KLHL6: variants seen among roughly 807,000 people sequenced by gnomAD.
KLHL6 encodes kelch-like protein 6.
In KLHL6, 41 loss-of-function variants were observed where a neutral mutation model predicts 58.6. The ratio of observed to expected loss-of-function variants is 0.70; its 90% CI spans 0.55 to 0.91. The LOEUF is 0.91. Among genes scored for constraint, KLHL6 ranks in the 40% least tolerant of loss-of-function variants. The pLI, the probability that KLHL6 is intolerant of heterozygous loss-of-function variation, is 0.00. For synonymous variants in KLHL6, 338 were observed against 322.7 expected (o/e 1.05, Z -0.51); for missense variants, 714 against 805.6 (o/e 0.89, Z 1.38).
rs1717601932 is a variant in KLHL6, at chr3:183,492,653, T to G, written c.1405A>C (p.Lys469Gln). The G allele has an allele frequency of 1.9e-6, 3 of 1,613,966 alleles. No individual in the cohort carries two copies. Among genetic ancestry groups the G allele is most frequent in the Non-Finnish European group, 2.5e-6 (3 of 1,180,048 alleles). The change falls in exon 6 of 7, where the codon AAG becomes CAG. Residue 469 changes from lysine (K) to glutamine (Q), a missense_variant. Transcript: ENST00000341319. The surrounding 1 kb of genome is among the most constrained non-coding windows in gnomAD (Gnocchi z 5.9). ...GGCCCTCCCCCGATCACATACAGCT[T>G]CTTCTTATGGCTGGTGGCTGCAAAG... ...SSFAATSHKK[K>Q]LYVIGGGPNG...
chr3:183,547,828 C>T (rs960638974), intron 1 of KLHL6, among the ~76,000 whole-genome samples: 2 of 152,098 alleles, frequency 1.3e-5, no homozygotes, highest in African/African-American at 4.8e-5. Context: ...AGTGGTTTCC[C>T]CATGATGTCT....
intron 1 of KLHL6, among the ~76,000 whole-genome samples, chr3:183,548,425 TGA>T (rs1354743018): frequency 2.0e-5 from 3 of 152,166 alleles, no homozygotes; most frequent in Non-Finnish European, 4.4e-5. Context: ...AGGCTGAGGC[TGA>T]GTCATTAGCA....
At chr3:183,535,758 G>T (rs774890374) in intron 1 of KLHL6, among the ~76,000 whole-genome samples, 3 of 152,020 alleles carry the variant, frequency 2.0e-5, no homozygotes, top group Admixed American at 6.5e-5. Context: ...CTCTTAATTG[G>T]GCTGTCACTG....
At chr3:183,536,876 T>C (rs371837012) in intron 1 of KLHL6, among the ~76,000 whole-genome samples, 1 of 152,148 alleles carries the variant, frequency 6.6e-6, no homozygotes, top group Non-Finnish European at 1.5e-5. Flanking sequence ...AGAGCAAGCA[T>C]AGGGCCAGCG....
At chr3:183,539,798 G>A (rs1036395786) in intron 1 of KLHL6, among the ~76,000 whole-genome samples, 4 of 152,070 alleles carry the variant, frequency 2.6e-5, no homozygotes, top group Non-Finnish European at 1.5e-5. Context: ...GGCCCCTGTG[G>A]AGAAGAAAAC....
chr3:183,549,528 C>T (rs1429589314), intron 1 of KLHL6, among the ~76,000 whole-genome samples: 1 of 152,142 alleles, frequency 6.6e-6, no homozygotes, highest in African/African-American at 2.4e-5. Flanking sequence ...CAGGTCGGGA[C>T]ACCTGAGTCT....
intron 2 of KLHL6, among the ~76,000 whole-genome samples, chr3:183,515,644 C>T (rs534260130): frequency 6.6e-6 from 1 of 152,338 alleles, no homozygotes; most frequent in African/African-American, 2.4e-5. Flanking sequence ...TTGACGGCTT[C>T]TCCTATTCCC....
chr3:183,508,594 A>G, intron 2 of KLHL6, 86 bp from the exon 3 acceptor site: 1 of 1,170,596 alleles, frequency 8.5e-7, no homozygotes, highest in Non-Finnish European at 1.2e-6. Context: ...TATTAGCCAA[A>G]AATTGGAAAC....
At chr3:183,522,337 C>T (rs1297019983) in intron 2 of KLHL6, 2 of 152,154 alleles carry the variant, frequency 1.3e-5, no homozygotes, top group Non-Finnish European at 2.9e-5. Flanking sequence ...AAAAAAAAGA[C>T]TCTGGTGAAT....
At position 183,508,442 on chromosome 3, in the gene KLHL6, C is replaced by T; in HGVS notation, c.526G>A (p.Gly176Arg). 1 of 1,614,176 alleles carries T rather than the reference C, an allele frequency of 6.2e-7. No individual in the cohort carries two copies. Among genetic ancestry groups the T allele is most frequent in the Non-Finnish European group, 8.5e-7 (1 of 1,180,034 alleles). Residue 176 changes from glycine to arginine, a missense_variant, in exon 3 of 7, where the codon GGA (glycine) becomes AGA (arginine). This residue lies in a region of KLHL6 where 510 missense variants were observed against 629.7 expected (regional missense o/e 0.81). Transcript: ENST00000341319. ...TEALNPENCV[G>R]ILRLADTHSL... The stretch of plus-strand genomic sequence containing the variant: ...TGTGTGTCAGCCAGCCTCAGTATTC[C>T]AACGCAGTTTTCTGGGTTCAAGGCT...
intron 2 of KLHL6, among the ~76,000 whole-genome samples, chr3:183,525,333 G>GA (rs1292635599): frequency 2.0e-5 from 3 of 148,506 alleles, no homozygotes; most frequent in African/African-American, 7.4e-5. Flanking sequence ...ACCCGGGGGG[G>GA]AAAATTTAGG....
intron 1 of KLHL6, among the ~76,000 whole-genome samples, chr3:183,529,366 A>C (rs1423208321): frequency 6.6e-6 from 1 of 152,084 alleles, no homozygotes; most frequent in African/African-American, 2.4e-5. Flanking sequence ...TGCCAAGCCC[A>C]TAAGAATTTA....
intron 1 of KLHL6, among the ~76,000 whole-genome samples, chr3:183,547,977 C>A (rs1441931848): frequency 6.6e-6 from 1 of 152,142 alleles, no homozygotes; most frequent in African/African-American, 2.4e-5. Flanking sequence ...AAAATCAGAG[C>A]CTCCTTGTGC....
Position 183,508,324 on chromosome 3 carries a change from A to T in KLHL6, c.644T>A (p.Val215Glu), listed in dbSNP as rs986962494. The stretch of plus-strand genomic sequence containing the variant: ...CTTCAAGATGTGGTGCAGAGTGTCC[A>T]CGGGCAGGTCAAGAAACTCCTCAGA... ...LNSEEFLDLP[V>E]DTLHHILKSD... The change falls in exon 3 of 7, where the codon GTG (valine) becomes GAG (glutamate). Residue 215 changes from valine to glutamate, a missense_variant. Physicochemically the swap from Val to Glu is moderately radical, Grantham distance 121. This residue lies in a region of KLHL6 where 510 missense variants were observed against 629.7 expected (regional missense o/e 0.81). Coordinates refer to ENST00000341319, the MANE Select transcript of KLHL6 (RefSeq NM_130446.4). 1 of 1,614,240 alleles carries T rather than the reference A, an allele frequency of 6.2e-7. No individual in the cohort carries two copies. The highest frequency in any genetic ancestry group is 1.3e-5 in the African/African-American group (1 of 75,062).
chr3:183,530,901 G>A (rs1293322333), intron 1 of KLHL6, among the ~76,000 whole-genome samples: 2 of 149,174 alleles, frequency 1.3e-5, no homozygotes, highest in Admixed American at 6.8e-5. Context: ...GTGCCATCTC[G>A]GCTCACTGCA....
chr3:183,555,052 C>G (rs183148263), intron 1 of KLHL6, among the ~76,000 whole-genome samples: 1 of 152,180 alleles, frequency 6.6e-6, no homozygotes, highest in Non-Finnish European at 1.5e-5. Context: ...CAAATCCCAG[C>G]TACTCGGGAG....
chr3:183,489,239 C>T lies in KLHL6; in HGVS notation c.*2688G>A, dbSNP rs918664697. The T allele has an allele frequency of 6.6e-6, 1 of 152,174 alleles. No individual in the cohort carries two copies. Among genetic ancestry groups the T allele is most frequent in the Admixed American group, 6.5e-5 (1 of 15,282 alleles). 9.4% of individuals were successfully genotyped at this position (152,174 alleles called of 1,614,324 possible). A position where few individuals can be genotyped will look rare whatever the true frequency, so the allele number is the denominator to read the frequency against. On this transcript the variant is annotated 3_prime_UTR_variant, in exon 7 of 7. Coordinates refer to ENST00000341319, the MANE Select transcript of KLHL6 (RefSeq NM_130446.4). ...TCATTGGATTTCCTCTCTGGAAGTT[C>T]CTCCCTGCAATAGTCTTTGGAGTAA...
intron 2 of KLHL6, among the ~76,000 whole-genome samples, chr3:183,525,390 T>G (rs568850862): frequency 6.6e-6 from 1 of 152,142 alleles, no homozygotes; most frequent in Non-Finnish European, 1.5e-5. Flanking sequence ...GCCCCATTTA[T>G]CCAAGGCACA....
chr3:183,499,699 G>C lies in KLHL6; in HGVS notation c.1038C>G (p.Ser346Arg). Residue 346 changes from serine to arginine, a missense_variant, in exon 4 of 7, where the codon AGC (serine) becomes AGG (arginine). Coordinates refer to ENST00000341319, the MANE Select transcript of KLHL6 (RefSeq NM_130446.4). This position sits in a 1 kb window ranked among gnomAD's most constrained non-coding sequence, Gnocchi z 4.6. ...EVTCLDPLRR[S>R]RLEVAKLPLT... is the part of the protein sequence containing the mutation. ...GCGGGAGCTTGGCCACCTCCAGGCG[G>C]CTGCGCCTCAGGGGGTCCAGGCAGG... The C allele has an allele frequency of 6.2e-7, 1 of 1,610,756 alleles. No individual in the cohort carries two copies. The highest frequency in any genetic ancestry group is 8.5e-7 in the Non-Finnish European group (1 of 1,178,678).
Sources: allele counts gnomAD v4.1 joint callset (sites outside exome capture counted in the v4.1 genomes callset), GRCh38; gene constraint gnomAD v4.1.1; regional missense constraint gnomAD v4.1.1; non-coding constraint Gnocchi (gnomAD v3.1); transcripts MANE v1.5; gene names NCBI Gene and HGNC (gene_info 2026-07-23, HGNC 2026-07-21).